The following PRKDC variants were observed in gnomAD, a reference collection of about 807,000 sequenced individuals.
The protein encoded by PRKDC is DNA-dependent protein kinase catalytic subunit.
A neutral mutation model predicts 486.9 loss-of-function variants in PRKDC; 82 were observed. That is an observed-to-expected ratio of 0.17 (90% CI 0.14 to 0.20). The LOEUF (loss-of-function observed/expected upper bound fraction) is 0.20. PRKDC is among the 10% of genes least tolerant of loss of function. The pLI, the probability that PRKDC is intolerant of heterozygous loss-of-function variation, is 1.00. For missense variants in PRKDC, 4,504 were observed against 5,038.2 expected (o/e 0.89, Z 3.21); for synonymous variants, 1,895 against 1,837.0 (o/e 1.03, Z -0.81).
In PRKDC at chr8:47,798,123, G is replaced by A. The variant is rs45507799; in HGVS notation, c.10458+114C>T. 0.017 allele frequency: 19,033 copies of A among 1,114,242 alleles called. 234 individuals carry two copies. The highest frequency in any genetic ancestry group is 0.019 in the Non-Finnish European group (15,439 of 814,984). The allele number at this position is 1,114,242 out of a possible 1,614,324, so 69.0% of individuals were successfully genotyped here. ...TCAGAATGTAGCAGAATTCACAGCTGGCTGGGAAAAGCTATAATACATGCA... is the reference window on the plus strand; with the variant it reads ...TCAGAATGTAGCAGAATTCACAGCTAGCTGGGAAAAGCTATAATACATGCA... On this transcript the variant is annotated intron_variant, in intron 73 of 85. Transcript: ENST00000314191.
intron 68 of PRKDC, among the ~76,000 whole-genome samples, chr8:47,808,939 G>T (rs1051960422): frequency 6.6e-6 from 1 of 151,810 alleles, no homozygotes; most frequent in Non-Finnish European, 1.5e-5. Context: ...CAGGAAGATC[G>T]CCTGAGCTCA....
rs1383888710 is a variant in PRKDC at position 47,827,344 on chromosome 8, ATTAC to A, written c.8578-487_8578-484del. On this transcript the variant is annotated intron_variant, in intron 62 of 85. Coordinates refer to ENST00000314191, the MANE Select transcript of PRKDC (RefSeq NM_006904.7). ...CAATATTGAAGAATATAAATTAGTA[ATTAC>A]TTCAGAAAAGGTCACTAGATACAAA... Among the ~76,000 whole-genome samples, 5 of 152,382 alleles carry A rather than the reference ATTAC, an allele frequency of 3.3e-5. No individual in the cohort carries two copies. In the South Asian group the frequency reaches 6.2e-4, roughly 19 times the overall value.
In PRKDC at chr8:47,853,878, C is replaced by T. The variant is rs8178163; in HGVS notation, c.6893+205G>A. The stretch of plus-strand genomic sequence containing the variant: ...ATGCGGTCTTGCTATGCTGTCCAGG[C>T]TGGTCTTGAACTCCTGGACTCAAGC... On this transcript the variant is annotated intron_variant, in intron 51 of 85. Coordinates refer to ENST00000314191, the MANE Select transcript of PRKDC (RefSeq NM_006904.7). 1.9e-3 allele frequency among the ~76,000 whole-genome samples: 288 copies of T among 152,256 alleles called. 8 individuals are homozygous for T. The East Asian group carries it at 0.021, about 11-fold the overall frequency.
At chr8:47,890,750 G>C (rs2089439996) in intron 31 of PRKDC, among the ~76,000 whole-genome samples, 1 of 152,056 alleles carries the variant, frequency 6.6e-6, no homozygotes, top group African/African-American at 2.4e-5. Flanking sequence ...GGGCAATTTG[G>C]CAATTCGTAC....
chr8:47,789,068 A>AAC lies in PRKDC; in HGVS notation c.10759-20_10759-19insGT. 2 of 1,611,724 alleles carry AAC rather than the reference A, an allele frequency of 1.2e-6. No homozygotes were observed. The highest frequency in any genetic ancestry group is 1.7e-6 in the Non-Finnish European group (2 of 1,179,204). ...TCCAATCCTGTCAGGGGAAAAAAAA[A>AAC]GTAAGAAAAAAATCAAGCTAGATTG... is the stretch of plus-strand genomic sequence containing the variant. On this transcript the variant is annotated intron_variant, in intron 75 of 85. Coordinates refer to ENST00000314191, the MANE Select transcript of PRKDC (RefSeq NM_006904.7).
chr8:47,832,158 C>T (rs760391951), intron 59 of PRKDC, among the ~76,000 whole-genome samples: 10 of 152,240 alleles, frequency 6.6e-5, no homozygotes, highest in African/African-American at 9.6e-5. Context: ...AGGGAGGGCA[C>T]GCAGCCACCT....
intron 1 of PRKDC, among the ~76,000 whole-genome samples, chr8:47,958,627 TGAG>T (rs1012622208): frequency 2.6e-4 from 40 of 152,230 alleles, no homozygotes; most frequent in African/African-American, 8.7e-4. Context: ...TTTGAAACCC[TGAG>T]AAGAGAAAGT....
At chr8:47,951,269 A>T (rs2090620341) in intron 7 of PRKDC, among the ~76,000 whole-genome samples, 2 of 152,030 alleles carry the variant, frequency 1.3e-5, no homozygotes, top group Admixed American at 6.6e-5. Context: ...CGGAGGTAGG[A>T]GGATCACTTG....
chr8:47,839,009 CTAAA>C, intron 56 of PRKDC, 135 bp downstream of exon 56: 1 of 657,382 alleles, frequency 1.5e-6, no homozygotes, highest in East Asian at 2.8e-5. Flanking sequence ...TACTCTTTTA[CTAAA>C]TATTGTGAAA....
At chr8:47,955,440 C>T (rs1199553354) in intron 4 of PRKDC, among the ~76,000 whole-genome samples, 1 of 112,676 alleles carries the variant, frequency 8.9e-6, no homozygotes, top group Non-Finnish European at 1.6e-5. Flanking sequence ...CCAGCCTGGG[C>T]GACAGAGCGA....
chr8:47,809,692 T>C (rs973157711), intron 68 of PRKDC, among the ~76,000 whole-genome samples: 2 of 152,232 alleles, frequency 1.3e-5, no homozygotes, highest in Non-Finnish European at 2.9e-5. Context: ...GGATCCGGTA[T>C]GGCACTGTGA....
At chr8:47,944,128 T>G in intron 7 of PRKDC, 99 bp from the exon 8 acceptor site, 3 of 988,282 alleles carry the variant, frequency 3.0e-6, no homozygotes, top group Non-Finnish European at 4.6e-6. Context: ...CATTAATCTC[T>G]TGTGAATTCA....
intron 25 of PRKDC, among the ~76,000 whole-genome samples, chr8:47,906,635 A>G (rs1002842636): frequency 6.0e-5 from 9 of 150,720 alleles, no homozygotes; most frequent in African/African-American, 2.2e-4. Context: ...AAAAAAAAAA[A>G]GTAAAATGCT....
chr8:47,837,108 A>C, intron 57 of PRKDC, 104 bp downstream of exon 57: 1 of 1,208,520 alleles, frequency 8.3e-7, no homozygotes, highest in Non-Finnish European at 1.2e-6. Context: ...TCAGAAAGGA[A>C]TGTGTATTCT....
intron 39 of PRKDC, 57 bp downstream of exon 39, chr8:47,879,434 T>C (rs1321558275): frequency 7.7e-6 from 11 of 1,434,848 alleles, no homozygotes; most frequent in East Asian, 2.6e-5. Flanking sequence ...CATCAAGATA[T>C]GTAACAAGAA....
chr8:47,932,409 G>C (rs1449356354), intron 16 of PRKDC, among the ~76,000 whole-genome samples: 1 of 146,210 alleles, frequency 6.8e-6, no homozygotes, highest in Non-Finnish European at 1.5e-5. Flanking sequence ...AGTAGAGACG[G>C]GGTTTCATCG....
At chr8:47,814,362 G>A (rs1255558248) in intron 68 of PRKDC, among the ~76,000 whole-genome samples, 10 of 152,094 alleles carry the variant, frequency 6.6e-5, no homozygotes, top group Non-Finnish European at 1.5e-4. Flanking sequence ...AGGTCCTCAT[G>A]GTTTTAACAA....
intron 18 of PRKDC, 77 bp downstream of exon 18, chr8:47,929,776 A>G: frequency 7.2e-7 from 1 of 1,388,606 alleles, no homozygotes; most frequent in Non-Finnish European, 9.6e-7. Flanking sequence ...GGCCACAATC[A>G]CATATTTTAT....
At chr8:47,928,180 T>TA (rs1191791370) in intron 19 of PRKDC, among the ~76,000 whole-genome samples, 3 of 148,058 alleles carry the variant, frequency 2.0e-5, no homozygotes, top group Admixed American at 6.8e-5. Context: ...TTTTGTAAGA[T>TA]AGAGTCGTGC....
Sources: gnomAD v4.1 joint callset for allele counts (sites outside exome capture counted in the v4.1 genomes callset) on GRCh38, gnomAD v4.1.1 for gene constraint, MANE v1.5 for transcripts, NCBI Gene and HGNC (gene_info 2026-07-23, HGNC 2026-07-21) for gene names.